The following SMYD3 variants were observed in gnomAD, a reference collection of about 807,000 sequenced individuals.
SMYD3 encodes the protein histone-lysine N-methyltransferase SMYD3.
In SMYD3, 36 loss-of-function variants were observed where a neutral mutation model predicts 57.7. That is an observed-to-expected ratio of 0.62 (90% CI 0.48 to 0.82). The LOEUF (loss-of-function observed/expected upper bound fraction) is 0.82, where lower values mean the gene tolerates loss of function less well. Ranked by LOEUF, SMYD3 falls within the 40% of genes least tolerant of loss-of-function variation. SMYD3 has a pLI of 0.00. For synonymous variants in SMYD3, 211 were observed against 195.0 expected (o/e 1.08, Z -0.68); for missense variants, 515 against 538.8 (o/e 0.96, Z 0.44).
chr1:246,156,837 A>G (rs961671869), intron 5 of SMYD3, among the ~76,000 whole-genome samples: 2 of 152,166 alleles, frequency 1.3e-5, no homozygotes, highest in Non-Finnish European at 2.9e-5. Context: ...CTACACTAAA[A>G]AGGAAATCAC....
intron 5 of SMYD3, among the ~76,000 whole-genome samples, chr1:246,090,523 T>TC (rs10675035): frequency 8.3e-5 from 6 of 72,034 alleles, no homozygotes; most frequent in Admixed American, 2.0e-4. Flanking sequence ...TCTCTCTCTC[T>TC]TTTTTTTTTT....
intron 8 of SMYD3, among the ~76,000 whole-genome samples, chr1:245,901,398 A>T (rs527609620): frequency 4.6e-5 from 7 of 152,360 alleles, no homozygotes; most frequent in Admixed American, 3.9e-4. Context: ...TGATTATGTG[A>T]AATATTTCAT....
intron 5 of SMYD3, among the ~76,000 whole-genome samples, chr1:246,014,909 G>A (rs1200484193): frequency 6.6e-6 from 1 of 151,986 alleles, no homozygotes; most frequent in East Asian, 1.9e-4. Context: ...ACCTGCCAAA[G>A]AAGAAAACAA....
chr1:246,023,218 C>G (rs1410947468), intron 5 of SMYD3, among the ~76,000 whole-genome samples: 1 of 152,210 alleles, frequency 6.6e-6, no homozygotes, highest in East Asian at 1.9e-4. Flanking sequence ...AAACCAAGCT[C>G]TTGCTAATCA....
At chr1:246,433,566 CG>C (rs777480251) in intron 1 of SMYD3, among the ~76,000 whole-genome samples, 5 of 152,056 alleles carry the variant, frequency 3.3e-5, no homozygotes, top group Non-Finnish European at 7.4e-5. Flanking sequence ...GAGGTTGAGG[CG>C]GGAGAATTGC....
chr1:246,152,073 C>T (rs1256851186), intron 5 of SMYD3, among the ~76,000 whole-genome samples: 1 of 152,212 alleles, frequency 6.6e-6, no homozygotes, highest in African/African-American at 2.4e-5. Flanking sequence ...ACTACTTCCT[C>T]TGGAGTCTGT....
chr1:246,327,911 G>C (rs544224427), intron 4 of SMYD3, among the ~76,000 whole-genome samples: 1 of 152,232 alleles, frequency 6.6e-6, no homozygotes, highest in South Asian at 2.1e-4. Context: ...CAAGATAAAG[G>C]AGCCTGGCGC....
chr1:246,257,683 T>C (rs1364613956), intron 5 of SMYD3, among the ~76,000 whole-genome samples: 2 of 152,236 alleles, frequency 1.3e-5, no homozygotes, highest in African/African-American at 4.8e-5. Context: ...GGTGGCTTTG[T>C]AGTTTCTATT....
intron 2 of SMYD3, among the ~76,000 whole-genome samples, chr1:246,352,436 A>G (rs764176925): frequency 6.6e-6 from 1 of 152,176 alleles, no homozygotes; most frequent in Non-Finnish European, 1.5e-5. Context: ...ATGTCATTTA[A>G]TTTTGCGTAG....
At chr1:246,333,963 CAT>C (rs1286426325) in intron 3 of SMYD3, among the ~76,000 whole-genome samples, 2 of 152,066 alleles carry the variant, frequency 1.3e-5, no homozygotes, top group South Asian at 2.1e-4. Flanking sequence ...GGCCAAAAAA[CAT>C]AGGAAAAATG....
At chr1:245,869,083 A>G (rs898477297) in intron 8 of SMYD3, among the ~76,000 whole-genome samples, 1 of 152,182 alleles carries the variant, frequency 6.6e-6, no homozygotes, top group African/African-American at 2.4e-5. Context: ...AATTCAGGAC[A>G]AAGTTATTCA....
At chr1:246,488,950 C>T (rs1225842566) in intron 1 of SMYD3, among the ~76,000 whole-genome samples, 6 of 152,090 alleles carry the variant, frequency 3.9e-5, no homozygotes, top group Admixed American at 6.6e-5. Flanking sequence ...AGATATTCTC[C>T]GGAGAGGCAC....
chr1:245,959,661 T>C (rs759585528), intron 5 of SMYD3, among the ~76,000 whole-genome samples: 1 of 152,216 alleles, frequency 6.6e-6, no homozygotes, highest in Non-Finnish European at 1.5e-5. Context: ...CTCTGCCAGC[T>C]CATCTTATAC....
chr1:245,979,323 C>T (rs1354479286), intron 5 of SMYD3, among the ~76,000 whole-genome samples: 1 of 152,106 alleles, frequency 6.6e-6, no homozygotes, highest in Non-Finnish European at 1.5e-5. Context: ...ATGTTCCCTC[C>T]AATAAGATTA....
At chr1:246,435,936 G>A (rs2067365383) in intron 1 of SMYD3, among the ~76,000 whole-genome samples, 1 of 152,180 alleles carries the variant, frequency 6.6e-6, no homozygotes, top group Non-Finnish European at 1.5e-5. Context: ...ATCGAGGGCA[G>A]ACACTGACCT....
At chr1:246,506,990 C>CCCCCCCCCCCCCCCCCCCA in intron 1 of SMYD3, 64 bp downstream of exon 1, 1 of 609,992 alleles carries the variant, frequency 1.6e-6, no homozygotes. Context: ...CCGCCCGACG[C>CCCCCCCCCCCCCCCCCCCA]CCCCCCCTCC....
chr1:246,253,929 G>A (rs180775000), intron 5 of SMYD3, among the ~76,000 whole-genome samples: 12 of 152,138 alleles, frequency 7.9e-5, no homozygotes, highest in Non-Finnish European at 1.8e-4. Flanking sequence ...CTCCAATGGC[G>A]TTCCACAGTG....
At chr1:246,268,515 T>C (rs1307552012) in intron 5 of SMYD3, among the ~76,000 whole-genome samples, 1 of 128,838 alleles carries the variant, frequency 7.8e-6, no homozygotes, top group Non-Finnish European at 1.7e-5. Flanking sequence ...CTGACCAATA[T>C]GGTGACCCCG....
At chr1:246,405,273 C>T (rs967975405) in intron 1 of SMYD3, among the ~76,000 whole-genome samples, 23 of 152,074 alleles carry the variant, frequency 1.5e-4, no homozygotes, top group African/African-American at 5.3e-4. Context: ...TATTTTTACA[C>T]GTATACACAA....
Sources: gnomAD v4.1 joint callset for allele counts (sites outside exome capture counted in the v4.1 genomes callset) on GRCh38, gnomAD v4.1.1 for gene constraint, MANE v1.5 for transcripts, NCBI Gene and HGNC (gene_info 2026-07-23, HGNC 2026-07-21) for gene names.